Variants in SLC25A23 observed in about 807,000 individuals in gnomAD.
SLC25A23 encodes the protein solute carrier family 25 member 23.
Under a neutral mutation model 53.9 loss-of-function variants are expected in SLC25A23, and 32 were observed. The ratio of observed to expected loss-of-function variants is 0.59; its 90% CI spans 0.45 to 0.80. SLC25A23 has a LOEUF of 0.80. Among genes scored for constraint, SLC25A23 ranks in the 30% least tolerant of loss-of-function variants. The pLI is 0.00. For missense variants in SLC25A23, 575 were observed against 651.4 expected (o/e 0.88, Z 1.28); for synonymous variants, 275 against 264.5 (o/e 1.04, Z -0.38).
rs2092650116 is a variant in SLC25A23, at chr19:6,454,644, C to T, written c.557G>A (p.Trp186Ter). ...SKQEKLTGMW[W>*]KQLVAGAVAG... is the part of the protein sequence containing the mutation. ...CACTGCGCCGGCCACCAGCTGTTTC[C>T]ACCACATGCCCGTCAGCTTCTCTTG... The change falls in exon 5 of 10, where the codon TGG (tryptophan) becomes TAG (stop). Residue 186 changes from tryptophan to a stop codon, truncating the protein, a stop_gained. Transcript: ENST00000301454. LOFTEE classifies it high-confidence loss of function. This position sits in a 1 kb window ranked among gnomAD's most constrained non-coding sequence, Gnocchi z 4.3. 6.2e-7 allele frequency: 1 copy of T among 1,613,982 alleles called. No individual in the cohort carries two copies. The highest frequency in any genetic ancestry group is 8.5e-7 in the Non-Finnish European group (1 of 1,180,030).
rs895878832 is a variant in SLC25A23, at chr19:6,442,037, C to T, written c.1345G>A (p.Val449Met). The T allele has an allele frequency of 1.9e-6, 3 of 1,613,732 alleles. No individual in the cohort carries two copies. The African/African-American group carries it at 4.0e-5, about 22-fold the overall frequency. ...TCGTAGACCACATAGGAGATGCTCA[C>T]AGCTGGAATAACCTTCATGAAGTTG... ...APNFMKVIPAVSISYVVYENM... is the reference protein window; with the variant it reads ...APNFMKVIPAMSISYVVYENM... Residue 449 changes from valine to methionine, a missense_variant, in exon 10 of 10, where the codon GTG (valine) becomes ATG (methionine). Coordinates refer to ENST00000301454, the MANE Select transcript of SLC25A23 (RefSeq NM_024103.3).
intron 3 of SLC25A23, 25 bp downstream of exon 3, chr19:6,457,478 G>A (rs376721446): frequency 1.9e-6 from 3 of 1,605,466 alleles, no homozygotes; most frequent in Non-Finnish European, 2.6e-6. Flanking sequence ...GAGTTACTTT[G>A]GATTCCAGAC....
intron 8 of SLC25A23, among the ~76,000 whole-genome samples, chr19:6,445,526 G>A (rs1599303854): frequency 6.6e-6 from 1 of 152,192 alleles, no homozygotes; most frequent in South Asian, 2.1e-4. Flanking sequence ...ACAAGCCAAG[G>A]AGTGCAGGCG....
intron 8 of SLC25A23, among the ~76,000 whole-genome samples, chr19:6,449,636 G>A (rs937964068): frequency 2.0e-5 from 3 of 151,756 alleles, no homozygotes; most frequent in South Asian, 2.1e-4. Flanking sequence ...GGATGGTCTC[G>A]ATCTCTTGAC....
rs2092399157 is a variant in SLC25A23 at position 6,440,223 on chromosome 19, G to A, written c.*1752C>T. The A allele has an allele frequency of 6.6e-6, 1 of 152,540 alleles. No individual in the cohort carries two copies. Among genetic ancestry groups the A allele is most frequent in the Non-Finnish European group, 1.5e-5 (1 of 68,032 alleles). 9.4% of individuals were successfully genotyped at this position (152,540 alleles called of 1,614,324 possible). On this transcript the variant is annotated 3_prime_UTR_variant, in exon 10 of 10. Coordinates refer to ENST00000301454, the MANE Select transcript of SLC25A23 (RefSeq NM_024103.3). Reference sequence around the variant, plus strand: ...TCCCCTTTCCAAGTCCCTCCATGGGGTCTCCAGATGATCCTAAGCTCAGAA... The same window carrying A: ...TCCCCTTTCCAAGTCCCTCCATGGGATCTCCAGATGATCCTAAGCTCAGAA...
intron 3 of SLC25A23, 109 bp downstream of exon 3, chr19:6,457,394 C>T: frequency 2.0e-6 from 2 of 990,606 alleles, no homozygotes; most frequent in South Asian, 1.4e-5. Flanking sequence ...AAGCCCCAAC[C>T]TCTCAGCTGT....
chr19:6,448,790 G>A (rs529465879), intron 8 of SLC25A23, among the ~76,000 whole-genome samples: 15 of 151,680 alleles, frequency 9.9e-5, no homozygotes, highest in Non-Finnish European at 1.9e-4. Context: ...TTGGGAGGCC[G>A]AGGTGGTCGG....
chr19:6,444,344 C>A, intron 8 of SLC25A23, 43 bp from the exon 9 acceptor site: 1 of 1,551,346 alleles, frequency 6.4e-7, no homozygotes, highest in Non-Finnish European at 8.8e-7. Context: ...GTGGGTGACC[C>A]TAGGACCCTG....
rs2289784 is a variant in SLC25A23 at position 6,458,229 on chromosome 19, G to C, written c.252C>G (p.Leu84=). The change falls in exon 2 of 10, where the codon CTC becomes CTG. Residue 84 remains leucine, a synonymous_variant. Coordinates refer to ENST00000301454, the MANE Select transcript of SLC25A23 (RefSeq NM_024103.3). ...YLQEREQRLL[L]MFHSLDRNQD... ...GGTTCCGGTCAAGACTGTGAAACAT[G>C]AGCAGCAGACGCTGTTCCCGCTCCT... 99,569 of 1,613,586 alleles carry C rather than the reference G, an allele frequency of 0.062. 3,359 individuals carry two copies. Among genetic ancestry groups the C allele is most frequent in the Middle Eastern group, 0.11 (656 of 6,062 alleles).
intron 8 of SLC25A23, among the ~76,000 whole-genome samples, chr19:6,449,256 T>TTTC (rs1491162965): frequency 9.1e-6 from 1 of 109,878 alleles, no homozygotes; most frequent in African/African-American, 6.1e-5. Context: ...TCTTTCTTTC[T>TTTC]TTTTTTTTTT....
At position 6,454,460 on chromosome 19, in the gene SLC25A23, T is replaced by C. The variant is rs775275908; in HGVS notation, c.658A>G (p.Thr220Ala). The change falls in exon 6 of 10, where the codon ACC becomes GCC. Residue 220 changes from threonine (T) to alanine (A), a missense_variant. Transcript: ENST00000301454. The surrounding 1 kb of genome is among the most constrained non-coding windows in gnomAD (Gnocchi z 4.3). The part of the protein sequence containing the change: ...KVFMQVHASK[T>A]NRLNILGGLR... ...CCCCCAAGGATGTTCAGCCGGTTGG[T>C]CTTTGAGGCATGGACCTGAATGGGG... 19 of 1,614,046 alleles carry C rather than the reference T, an allele frequency of 1.2e-5. No homozygotes were observed. The highest frequency in any genetic ancestry group is 1.5e-5 in the Non-Finnish European group (18 of 1,179,996).
At chr19:6,444,339 T>TGGGGGGGGGA in intron 8 of SLC25A23, 38 bp from the exon 9 acceptor site, 11 of 1,270,270 alleles carry the variant, frequency 8.7e-6, no homozygotes, top group Non-Finnish European at 1.2e-5. Flanking sequence ...TTGGGGTGGG[T>TGGGGGGGGGA]GACCCTAGGA....
rs1307367367 is a variant in SLC25A23, at chr19:6,441,888, A to C, written c.*87T>G. The C allele has an allele frequency of 1.0e-5, 14 of 1,335,192 alleles. No homozygotes were observed. The Admixed American group carries it at 2.1e-4, about 20-fold the overall frequency. The allele number at this position is 1,335,192 out of a possible 1,614,324, so 82.7% of individuals were successfully genotyped here. A position where few individuals can be genotyped will look rare whatever the true frequency, so the allele number is the denominator to read the frequency against. ...TCTGGGTACTGGGATCTCGTGGCCA[A>C]AGAGTAGGGATCCTGTGGTTGGATC... On this transcript the variant is annotated 3_prime_UTR_variant, in exon 10 of 10. Transcript: ENST00000301454.
chr19:6,437,840 A>C (rs1386102124), downstream of SLC25A23, among the ~76,000 whole-genome samples: 1 of 148,818 alleles, frequency 6.7e-6, no homozygotes, highest in African/African-American at 2.5e-5. Flanking sequence ...GCGGTGGCTC[A>C]TGCCTATAAT....
chr19:6,456,570 T>G, intron 3 of SLC25A23, 39 bp from the exon 4 acceptor site: 81 of 1,318,234 alleles, frequency 6.1e-5, no homozygotes, highest in Non-Finnish European at 7.6e-5. Flanking sequence ...ACAGGTTCAG[T>G]GCCTGGGGGT....
chr19:6,442,347 C>CAA (rs1357023902), intron 9 of SLC25A23, among the ~76,000 whole-genome samples, 188 bp from the exon 10 acceptor site: 6 of 152,122 alleles, frequency 3.9e-5, no homozygotes, highest in Non-Finnish European at 8.8e-5. Flanking sequence ...CTTTTCGCCC[C>CAA]AAGTTTGGGG....
intron 8 of SLC25A23, among the ~76,000 whole-genome samples, chr19:6,450,103 C>T (rs2092567304): frequency 1.3e-5 from 2 of 152,002 alleles, no homozygotes; most frequent in South Asian, 2.1e-4. Context: ...GGTGATCCAC[C>T]GGCCTCGGCT....
chr19:6,443,370 TGCCACCACGCCTG>T (rs2092452702), intron 9 of SLC25A23, among the ~76,000 whole-genome samples: 1 of 152,248 alleles, frequency 6.6e-6, no homozygotes, highest in South Asian at 2.1e-4. Flanking sequence ...TACAGGCACC[TGCCACCACGCCTG>T]GCTAATTTAT....
Position 6,441,988 on chromosome 19 carries a change from ACCC to A in SLC25A23, c.1391_1393del (p.Gly464del), listed in dbSNP as rs755308946. 6.8e-6 allele frequency: 11 copies of A among 1,613,434 alleles called. No homozygotes were observed. Among genetic ancestry groups the A allele is most frequent in the Non-Finnish European group, 9.3e-6 (11 of 1,179,854 alleles). On this transcript the variant is annotated inframe_deletion, in exon 10 of 10. Coordinates refer to ENST00000301454, the MANE Select transcript of SLC25A23 (RefSeq NM_024103.3). ...GCTCCGGGTCCCTCACCTGGACGTG[ACCC>A]CCAAGGCCTGCTTCATGTTCTCGTA...
Sources: allele counts gnomAD v4.1 joint callset (sites outside exome capture counted in the v4.1 genomes callset), GRCh38; gene constraint gnomAD v4.1.1; non-coding constraint Gnocchi (gnomAD v3.1); transcripts MANE v1.5; gene names NCBI Gene and HGNC (gene_info 2026-07-23, HGNC 2026-07-21).